Variants in PDLIM5 observed in about 807,000 individuals in gnomAD.
The protein encoded by PDLIM5 is PDZ and LIM domain protein 5.
Under a neutral mutation model 64.2 loss-of-function variants are expected in PDLIM5, and 34 were observed. That is an observed-to-expected ratio of 0.53 (90% CI 0.40 to 0.71). The LOEUF (loss-of-function observed/expected upper bound fraction) is 0.71. Ranked by LOEUF, PDLIM5 falls within the 30% of genes least tolerant of loss-of-function variation. PDLIM5 has a pLI of 0.00. For missense variants in PDLIM5, 683 were observed against 733.6 expected (o/e 0.93, Z 0.80); for synonymous variants, 253 against 269.1 (o/e 0.94, Z 0.59).
chr4:94,506,004 G>T (rs1728361491), intron 2 of PDLIM5, among the ~76,000 whole-genome samples: 1 of 152,124 alleles, frequency 6.6e-6, no homozygotes, highest in African/African-American at 2.4e-5. Context: ...TGGTCTTTCT[G>T]GTGACCAGCC....
intron 2 of PDLIM5, among the ~76,000 whole-genome samples, chr4:94,505,568 C>T (rs1663318331): frequency 6.6e-6 from 1 of 152,102 alleles, no homozygotes; most frequent in South Asian, 2.1e-4. Context: ...GGCTGGAAGT[C>T]ACCTATATTT....
intron 3 of PDLIM5, among the ~76,000 whole-genome samples, chr4:94,552,887 AG>A (rs1300932816): frequency 2.6e-5 from 4 of 152,126 alleles, no homozygotes; most frequent in African/African-American, 9.7e-5. Flanking sequence ...AAACTCTAGA[AG>A]GGGCAGGGCA....
intron 3 of PDLIM5, among the ~76,000 whole-genome samples, chr4:94,534,525 G>A (rs887178363): frequency 6.6e-6 from 1 of 152,124 alleles, no homozygotes; most frequent in Non-Finnish European, 1.5e-5. Context: ...ATTGAGATCG[G>A]GAGAGATAGA....
intron 2 of PDLIM5, among the ~76,000 whole-genome samples, chr4:94,505,370 T>G (rs1289391799): frequency 6.6e-6 from 1 of 152,164 alleles, no homozygotes; most frequent in Non-Finnish European, 1.5e-5. Flanking sequence ...GCGATTCTTG[T>G]GCCTCAACTA....
At chr4:94,604,595 C>G (rs1239294307) in intron 7 of PDLIM5, among the ~76,000 whole-genome samples, 4 of 152,100 alleles carry the variant, frequency 2.6e-5, no homozygotes. Context: ...GATTGTGCCA[C>G]TGTACTCCAG....
chr4:94,655,901 A>G (rs969123200), intron 10 of PDLIM5, among the ~76,000 whole-genome samples: 4 of 152,170 alleles, frequency 2.6e-5, no homozygotes, highest in African/African-American at 7.2e-5. Context: ...AATATTCTGG[A>G]AGCCTTGGGA....
At position 94,493,241 on chromosome 4, in the gene PDLIM5, A is replaced by G. The variant is rs188139121; in HGVS notation, c.97-30483A>G. ...ATAGAGTAGTAAGTTTTTTAAAACT[A>G]TATTCTAGATACAAGTCCCTTTTCA... On this transcript the variant is annotated intron_variant, in intron 2 of 12. Transcript: ENST00000317968. Among the ~76,000 whole-genome samples, 13 of 152,208 alleles carry G rather than the reference A, an allele frequency of 8.5e-5. No homozygotes were observed. In the South Asian group the frequency reaches 2.1e-3, roughly 24 times the overall value.
At chr4:94,651,033 C>T (rs1741805784) in intron 9 of PDLIM5, among the ~76,000 whole-genome samples, 2 of 152,158 alleles carry the variant, frequency 1.3e-5, no homozygotes, top group South Asian at 4.1e-4. Context: ...GCCTGTCATT[C>T]CTGTTCACAA....
Position 94,522,633 on chromosome 4 carries a change from C to T in PDLIM5, c.97-1091C>T, listed in dbSNP as rs542810243. ...TCAAGTGATCTGCCTGTCTCGGCCT[C>T]CCAAAGTAGTTTATCATTTTAAAAT... On this transcript the variant is annotated intron_variant, in intron 2 of 12. Transcript: ENST00000317968. Among the ~76,000 whole-genome samples the T allele has an allele frequency of 2.3e-4, 35 of 152,278 alleles. No individual in the cohort carries two copies. The South Asian group carries it at 7.3e-3, about 32-fold the overall frequency.
intron 5 of PDLIM5, among the ~76,000 whole-genome samples, chr4:94,583,760 C>G (rs1735934002): frequency 6.6e-6 from 1 of 152,056 alleles, no homozygotes; most frequent in Admixed American, 6.6e-5. Context: ...TTTGTATATG[C>G]AGATTATTCA....
At chr4:94,606,000 A>G (rs997188557) in intron 7 of PDLIM5, among the ~76,000 whole-genome samples, 6 of 151,828 alleles carry the variant, frequency 4.0e-5, no homozygotes, top group Admixed American at 6.6e-5. Flanking sequence ...AGCACTATTC[A>G]TTTCTTTCAA....
intron 11 of PDLIM5, among the ~76,000 whole-genome samples, chr4:94,660,705 G>A (rs1179104812): frequency 6.6e-6 from 1 of 152,116 alleles, no homozygotes; most frequent in African/African-American, 2.4e-5. Flanking sequence ...TGAGCAAATG[G>A]TGCTAAGGAA....
intron 2 of PDLIM5, among the ~76,000 whole-genome samples, chr4:94,511,958 A>G (rs62316379): frequency 0.016 from 2,406 of 150,218 alleles, 44 homozygotes; most frequent in East Asian, 0.073. Context: ...TATCTCTTCA[A>G]TATACTGACT....
intron 3 of PDLIM5, among the ~76,000 whole-genome samples, chr4:94,544,595 C>G (rs1191155772): frequency 6.6e-6 from 1 of 152,174 alleles, no homozygotes; most frequent in African/African-American, 2.4e-5. Context: ...ACTGTGATGG[C>G]ATGCTAATTT....
At chr4:94,488,044 T>A (rs1226435957) in intron 2 of PDLIM5, among the ~76,000 whole-genome samples, 1 of 152,198 alleles carries the variant, frequency 6.6e-6, no homozygotes, top group African/African-American at 2.4e-5. Context: ...ACAAGTTCTT[T>A]AAGTTGTGTG....
chr4:94,612,538 G>A (rs184950325), intron 7 of PDLIM5, among the ~76,000 whole-genome samples: 3 of 152,146 alleles, frequency 2.0e-5, no homozygotes, highest in African/African-American at 7.2e-5. Flanking sequence ...AAGTGCCTGC[G>A]TGCATATACA....
chr4:94,603,412 G>A (rs1230063713), intron 7 of PDLIM5, among the ~76,000 whole-genome samples: 1 of 152,188 alleles, frequency 6.6e-6, no homozygotes, highest in African/African-American at 2.4e-5. Context: ...CTGGATGAGA[G>A]AGGGTGGTAG....
chr4:94,553,852 T>G (rs1290260666), intron 3 of PDLIM5, among the ~76,000 whole-genome samples: 2 of 152,218 alleles, frequency 1.3e-5, no homozygotes, highest in Non-Finnish European at 2.9e-5. Context: ...TATGGCCATG[T>G]CATTGGAGGA....
In PDLIM5 at chr4:94,657,560, AGCCATTT is replaced by A. The variant is rs1468265007; in HGVS notation, c.1585+15_1585+21del. ...TACTGTGAGACTGGTAAGATCAGGG[AGCCATTT>A]GTTTCTTGAATTTTGAATAAAGGTA... On this transcript the variant is annotated intron_variant, in intron 11 of 12. Coordinates refer to ENST00000317968, the MANE Select transcript of PDLIM5 (RefSeq NM_006457.5). The A allele has an allele frequency of 6.3e-7, 1 of 1,597,712 alleles. No homozygotes were observed. Among genetic ancestry groups the A allele is most frequent in the Non-Finnish European group, 8.5e-7 (1 of 1,170,632 alleles).
Sources: allele counts gnomAD v4.1 joint callset (sites outside exome capture counted in the v4.1 genomes callset), GRCh38; gene constraint gnomAD v4.1.1; transcripts MANE v1.5; gene names NCBI Gene and HGNC (gene_info 2026-07-23, HGNC 2026-07-21).